Variants in KCNIP4 observed in about 807,000 individuals in gnomAD.
KCNIP4 encodes the protein Kv channel-interacting protein 4.
A neutral mutation model predicts 34.0 loss-of-function variants in KCNIP4; 12 were observed. The observed-to-expected ratio is 0.35, with a 90% CI of 0.23 to 0.57. The LOEUF is 0.57. KCNIP4 is among the 20% of genes least tolerant of loss of function. KCNIP4 has a pLI of 0.83. For missense variants in KCNIP4, 238 were observed against 311.7 expected (o/e 0.76, Z 1.78); for synonymous variants, 124 against 102.2 (o/e 1.21, Z -1.29).
At chr4:21,243,294 G>A (rs931517807) in intron 1 of KCNIP4, among the ~76,000 whole-genome samples, 2 of 152,178 alleles carry the variant, frequency 1.3e-5, no homozygotes, top group Non-Finnish European at 2.9e-5. Context: ...AGCTGCTTCA[G>A]TTGGTACAGA....
rs567415043 is a variant in KCNIP4, at chr4:21,523,762, A to T, written c.61+424809T>A. Among the ~76,000 whole-genome samples the T allele has an allele frequency of 2.0e-5, 3 of 151,836 alleles. No individual in the cohort carries two copies. In the East Asian group the frequency reaches 5.9e-4, roughly 30 times the overall value. ...AATTTTTTTATTAATATTTTCAGAC[A>T]AGGTCTTGCTAGGTTGTCCAGGCTG... On this transcript the variant is annotated intron_variant, in intron 1 of 8. Transcript: ENST00000382152.
intron 1 of KCNIP4, among the ~76,000 whole-genome samples, chr4:21,328,835 C>A (rs1325316973): frequency 6.6e-6 from 1 of 152,226 alleles, no homozygotes; most frequent in Non-Finnish European, 1.5e-5. Context: ...TTTCCACAAA[C>A]AGAGGAGTCT....
chr4:21,209,703 T>C (rs751518010), intron 1 of KCNIP4, among the ~76,000 whole-genome samples: 2 of 152,152 alleles, frequency 1.3e-5, no homozygotes, highest in Non-Finnish European at 2.9e-5. Context: ...AGGAGTGTAA[T>C]CTGTATATTG....
intron 1 of KCNIP4, among the ~76,000 whole-genome samples, chr4:21,792,432 C>T (rs544135406): frequency 1.3e-5 from 2 of 151,886 alleles, no homozygotes; most frequent in Non-Finnish European, 2.9e-5. Flanking sequence ...ATAAAATTGC[C>T]CTCATAAATA....
chr4:21,105,610 T>C (rs1316194064), intron 1 of KCNIP4, among the ~76,000 whole-genome samples: 1 of 151,670 alleles, frequency 6.6e-6, no homozygotes, highest in Non-Finnish European at 1.5e-5. Context: ...CTAATTGCCC[T>C]GGCCAGAACT....
intron 3 of KCNIP4, among the ~76,000 whole-genome samples, chr4:20,783,097 C>T (rs1757006585): frequency 6.6e-6 from 1 of 152,162 alleles, no homozygotes; most frequent in South Asian, 2.1e-4. Flanking sequence ...CTCTAGTTCC[C>T]AACAAGTTCC....
chr4:21,173,924 A>G (rs1754201344), intron 1 of KCNIP4, among the ~76,000 whole-genome samples: 1 of 152,210 alleles, frequency 6.6e-6, no homozygotes, highest in African/African-American at 2.4e-5. Context: ...GCTTATGCTA[A>G]GGAGCCTTTC....
intron 1 of KCNIP4, among the ~76,000 whole-genome samples, chr4:21,287,276 T>C (rs1244713256): frequency 2.0e-5 from 3 of 152,206 alleles, no homozygotes; most frequent in Non-Finnish European, 4.4e-5. Flanking sequence ...ATAAGTATCA[T>C]TTACATGAAT....
At chr4:21,172,688 A>G (rs929617430) in intron 1 of KCNIP4, among the ~76,000 whole-genome samples, 1 of 152,132 alleles carries the variant, frequency 6.6e-6, no homozygotes, top group Non-Finnish European at 1.5e-5. Context: ...AGGATGGTAA[A>G]ACATAATGGC....
intron 1 of KCNIP4, among the ~76,000 whole-genome samples, chr4:21,223,960 C>T (rs561528523): frequency 6.6e-6 from 1 of 152,174 alleles, no homozygotes; most frequent in East Asian, 1.9e-4. Context: ...CCTAAGGCCA[C>T]CTGCTTATCA....
intron 1 of KCNIP4, among the ~76,000 whole-genome samples, chr4:21,199,222 T>G (rs1265085506): frequency 6.6e-6 from 1 of 152,202 alleles, no homozygotes; most frequent in African/African-American, 2.4e-5. Context: ...CTCCACATCC[T>G]CTCCAGCATC....
At chr4:21,352,241 A>G (rs916281695) in intron 1 of KCNIP4, among the ~76,000 whole-genome samples, 2 of 152,158 alleles carry the variant, frequency 1.3e-5, no homozygotes, top group African/African-American at 4.8e-5. Context: ...TGCATTTCCA[A>G]CTAAGGTACC....
At chr4:21,354,091 C>CA (rs2109384930) in intron 1 of KCNIP4, among the ~76,000 whole-genome samples, 1 of 152,238 alleles carries the variant, frequency 6.6e-6, no homozygotes, top group African/African-American at 2.4e-5. Flanking sequence ...TACAGACAAG[C>CA]AAATGCTGAG....
At chr4:20,994,359 A>G (rs1055233033) in intron 1 of KCNIP4, among the ~76,000 whole-genome samples, 2 of 152,248 alleles carry the variant, frequency 1.3e-5, no homozygotes, top group Admixed American at 1.3e-4. Context: ...AGGTAAGTGC[A>G]TGTGAGTGTG....
chr4:21,636,593 C>G (rs1217642908), intron 1 of KCNIP4, among the ~76,000 whole-genome samples: 2 of 152,126 alleles, frequency 1.3e-5, no homozygotes, highest in Non-Finnish European at 1.5e-5. Context: ...TACTGACATT[C>G]TCTCTGAAAC....
chr4:21,726,758 C>T (rs926857054), intron 1 of KCNIP4, among the ~76,000 whole-genome samples: 1 of 152,116 alleles, frequency 6.6e-6, no homozygotes, highest in African/African-American at 2.4e-5. Context: ...TGTTCACCAC[C>T]ATTTATACAG....
Position 21,948,676 on chromosome 4 carries a change from G to A in KCNIP4, c.-45C>T. The stretch of plus-strand genomic sequence containing the variant: ...AGAAGCGAGACTCGAGAGTCCACCG[G>A]CCAGGGGCGTCTGTCCACGGGTCTG... On this transcript the variant is annotated 5_prime_UTR_variant, in exon 1 of 9. Coordinates refer to ENST00000382152, the MANE Select transcript of KCNIP4 (RefSeq NM_025221.6). The A allele has an allele frequency of 6.3e-7, 1 of 1,596,922 alleles. No individual in the cohort carries two copies. The highest frequency in any genetic ancestry group is 8.5e-7 in the Non-Finnish European group (1 of 1,170,792).
At chr4:20,865,980 C>T (rs932342628) in intron 2 of KCNIP4, among the ~76,000 whole-genome samples, 7 of 151,784 alleles carry the variant, frequency 4.6e-5, no homozygotes, top group African/African-American at 1.2e-4. Flanking sequence ...CATTTTAAAA[C>T]GTTTATACAC....
At chr4:21,509,953 A>G (rs1343345728) in intron 1 of KCNIP4, among the ~76,000 whole-genome samples, 1 of 151,820 alleles carries the variant, frequency 6.6e-6, no homozygotes, top group African/African-American at 2.4e-5. Context: ...CCCTGTCTCT[A>G]TGAAAAATAC....
Sources: allele counts gnomAD v4.1 joint callset (sites outside exome capture counted in the v4.1 genomes callset), GRCh38; gene constraint gnomAD v4.1.1; transcripts MANE v1.5; gene names NCBI Gene and HGNC (gene_info 2026-07-23, HGNC 2026-07-21).